The following GAREM1 variants were observed in gnomAD, a reference collection of about 807,000 sequenced individuals.
GAREM1 encodes GRB2 associated regulator of MAPK1 subtype 1.
GAREM1 carries 26 observed loss-of-function variants against 71.3 expected under a neutral mutation model. The observed-to-expected ratio is 0.36, with a 90% CI of 0.27 to 0.51. GAREM1 has a LOEUF of 0.51. GAREM1 is among the 20% of genes least tolerant of loss of function. GAREM1 has a pLI of 0.95. For synonymous variants in GAREM1, 440 were observed against 433.2 expected, an observed-to-expected ratio of 1.02 and a Z score of -0.20; for missense variants, 1,026 against 1,103.1, an observed-to-expected ratio of 0.93 and a Z score of 0.99.
At chr18:32,278,911 A>G (rs2041577591) in intron 4 of GAREM1, among the ~76,000 whole-genome samples, 1 of 152,170 alleles carries the variant, frequency 6.6e-6, no homozygotes, top group South Asian at 2.1e-4. Flanking sequence ...TAAGGACCTA[A>G]GACAGACCTT....
At chr18:32,350,832 A>G (rs1466774916) in intron 2 of GAREM1, among the ~76,000 whole-genome samples, 1 of 152,174 alleles carries the variant, frequency 6.6e-6, no homozygotes, top group Non-Finnish European at 1.5e-5. Context: ...TTTCTGGTCC[A>G]CCATTAAGTT....
intron 4 of GAREM1, among the ~76,000 whole-genome samples, chr18:32,273,394 T>C (rs645526): frequency 0.41 from 62,069 of 152,028 alleles, 15,160 homozygotes; most frequent in African/African-American, 0.69. Flanking sequence ...AAGCCACTTG[T>C]AGTTGAATTT....
intron 1 of GAREM1, among the ~76,000 whole-genome samples, chr18:32,417,623 A>G (rs975403768): frequency 1.3e-5 from 2 of 152,180 alleles, no homozygotes; most frequent in African/African-American, 4.8e-5. Context: ...CAGGCACAGA[A>G]AGACAGACAT....
At chr18:32,290,617 C>A (rs1426685529) in intron 3 of GAREM1, among the ~76,000 whole-genome samples, 1 of 146,870 alleles carries the variant, frequency 6.8e-6, no homozygotes, top group African/African-American at 2.6e-5. Context: ...TGCATTGCAG[C>A]CTGGGTGACA....
rs2041363323 is a variant in GAREM1 at position 32,265,675 on chromosome 18, C to A, written c.*2196G>T. 6.6e-6 allele frequency: 1 copy of A among 152,042 alleles called. No individual in the cohort carries two copies. The highest frequency in any genetic ancestry group is 6.6e-5 in the Admixed American group (1 of 15,218). The allele number at this position is 152,042 out of a possible 1,614,324, so 9.4% of individuals were successfully genotyped here. On this transcript the variant is annotated 3_prime_UTR_variant, in exon 6 of 6. Coordinates refer to ENST00000269209, the MANE Select transcript of GAREM1 (RefSeq NM_001242409.2). Reference sequence around the variant, plus strand: ...CAAAACAAGCAAAAAGAATTTAAAACCCTATTTTGTGTAAAGTTTTTACAA... The same window carrying A: ...CAAAACAAGCAAAAAGAATTTAAAAACCTATTTTGTGTAAAGTTTTTACAA...
intron 1 of GAREM1, among the ~76,000 whole-genome samples, chr18:32,428,559 C>T (rs549901668): frequency 6.6e-6 from 1 of 152,320 alleles, no homozygotes; most frequent in East Asian, 1.9e-4. Flanking sequence ...TACCCTTTGC[C>T]TTCTGCCATG....
At chr18:32,375,421 G>A (rs1390533111) in intron 2 of GAREM1, among the ~76,000 whole-genome samples, 6 of 150,856 alleles carry the variant, frequency 4.0e-5, no homozygotes, top group Non-Finnish European at 5.9e-5. Context: ...TCACAGGTTC[G>A]TTTGAGTTTG....
At chr18:32,460,686 G>A (rs779883643) in intron 1 of GAREM1, among the ~76,000 whole-genome samples, 1 of 152,224 alleles carries the variant, frequency 6.6e-6, no homozygotes, top group Non-Finnish European at 1.5e-5. Context: ...TTTGGACCAA[G>A]TGGCTTGTTT....
At chr18:32,388,997 T>C (rs2048172214) in intron 2 of GAREM1, among the ~76,000 whole-genome samples, 1 of 152,182 alleles carries the variant, frequency 6.6e-6, no homozygotes, top group African/African-American at 2.4e-5. Context: ...GTATGCTGTC[T>C]ACTCTCAAAT....
intron 1 of GAREM1, among the ~76,000 whole-genome samples, chr18:32,467,728 G>C (rs2049012015): frequency 6.6e-6 from 1 of 152,134 alleles, no homozygotes; most frequent in Admixed American, 6.5e-5. Flanking sequence ...TTAAAAACAA[G>C]TGATTTGAAA....
intron 1 of GAREM1, among the ~76,000 whole-genome samples, chr18:32,456,038 C>A (rs913711890): frequency 5.3e-5 from 8 of 152,070 alleles, no homozygotes; most frequent in African/African-American, 1.7e-4. Flanking sequence ...AAAGAATTAA[C>A]CTTCCTACAA....
intron 2 of GAREM1, among the ~76,000 whole-genome samples, chr18:32,390,609 G>A (rs1356616030): frequency 6.6e-6 from 1 of 152,168 alleles, no homozygotes; most frequent in South Asian, 2.1e-4. Flanking sequence ...AACATAATCC[G>A]TCACCTTCCT....
intron 1 of GAREM1, among the ~76,000 whole-genome samples, chr18:32,466,441 A>C (rs1325206507): frequency 6.6e-6 from 1 of 152,230 alleles, no homozygotes; most frequent in East Asian, 1.9e-4. Flanking sequence ...GAATAGTTAC[A>C]ATATGCTGAG....
chr18:32,424,812 T>C (rs1377999850), intron 1 of GAREM1, among the ~76,000 whole-genome samples: 1 of 152,190 alleles, frequency 6.6e-6, no homozygotes, highest in Admixed American at 6.5e-5. Context: ...CCTTATAACA[T>C]TCTCTTAATT....
At chr18:32,379,136 A>G (rs2048068456) in intron 2 of GAREM1, among the ~76,000 whole-genome samples, 1 of 152,098 alleles carries the variant, frequency 6.6e-6, no homozygotes, top group South Asian at 2.1e-4. Flanking sequence ...GACAGTTTCT[A>G]TATTAAATGA....
chr18:32,359,043 C>A (rs1054839123), intron 2 of GAREM1, among the ~76,000 whole-genome samples: 5 of 152,182 alleles, frequency 3.3e-5, no homozygotes, highest in African/African-American at 7.2e-5. Flanking sequence ...CAGTTTACAA[C>A]TCTCATACTG....
intron 3 of GAREM1, among the ~76,000 whole-genome samples, chr18:32,308,513 C>T (rs939340278): frequency 1.0e-4 from 15 of 149,422 alleles, no homozygotes; most frequent in African/African-American, 3.7e-4. Flanking sequence ...AAACTACTAA[C>T]TTTCTAAAAA....
intron 2 of GAREM1, among the ~76,000 whole-genome samples, chr18:32,369,213 G>A (rs1030113759): frequency 6.6e-6 from 1 of 152,202 alleles, no homozygotes; most frequent in Admixed American, 6.5e-5. Context: ...GCTTTGAAAG[G>A]TGCGGAAAGG....
intron 2 of GAREM1, among the ~76,000 whole-genome samples, chr18:32,353,178 A>C (rs904698570): frequency 6.6e-5 from 10 of 152,220 alleles, no homozygotes; most frequent in African/African-American, 2.4e-4. Context: ...TTAAATGTCC[A>C]CACATAAAGA....
Sources: gnomAD v4.1 joint callset for allele counts (sites outside exome capture counted in the v4.1 genomes callset) on GRCh38, gnomAD v4.1.1 for gene constraint, MANE v1.5 for transcripts, NCBI Gene and HGNC (gene_info 2026-07-23, HGNC 2026-07-21) for gene names.